The following TFDP2 variants were observed in gnomAD, a reference collection of about 807,000 sequenced individuals.
The protein encoded by TFDP2 is transcription factor Dp-2 (E2F dimerization partner 2).
Under a neutral mutation model 59.3 loss-of-function variants are expected in TFDP2, and 17 were observed. The ratio of observed to expected loss-of-function variants is 0.29; its 90% CI spans 0.20 to 0.43. The LOEUF (loss-of-function observed/expected upper bound fraction) is 0.43. TFDP2 is among the 20% of genes least tolerant of loss of function. The probability of loss-of-function intolerance (pLI) is 1.00; values close to 1 mark genes in which losing one functional copy is unlikely to be tolerated. For synonymous variants in TFDP2, 180 were observed against 194.7 expected, an observed-to-expected ratio of 0.92 and a Z score of 0.63; for missense variants, 391 against 528.8, an observed-to-expected ratio of 0.74 and a Z score of 2.56.
chr3:142,132,723 C>T (rs1577057895), intron 1 of TFDP2, among the ~76,000 whole-genome samples: 1 of 122,268 alleles, frequency 8.2e-6, no homozygotes, highest in Non-Finnish European at 1.6e-5. Flanking sequence ...TCAGCCTGGG[C>T]AACAGATTAA....
chr3:141,958,947 CTTTTTTTTTTT>C (rs984082447), intron 11 of TFDP2, among the ~76,000 whole-genome samples: 2 of 103,684 alleles, frequency 1.9e-5, no homozygotes, highest in African/African-American at 4.0e-5. Flanking sequence ...GATGTACCTA[CTTTTTTTTTTT>C]TTTTTTTTTT....
intron 3 of TFDP2, among the ~76,000 whole-genome samples, chr3:142,032,328 G>C (rs369882928): frequency 3.3e-5 from 5 of 152,012 alleles, no homozygotes; most frequent in East Asian, 3.9e-4. Context: ...GAACTCCTAG[G>C]CTCAAGTGAT....
intron 3 of TFDP2, among the ~76,000 whole-genome samples, chr3:142,008,186 G>A (rs1039563154): frequency 1.3e-5 from 2 of 151,806 alleles, no homozygotes; most frequent in Non-Finnish European, 2.9e-5. Context: ...CTGGGCATCG[G>A]GCCATTAAAT....
At chr3:142,015,929 T>C (rs1945098239) in intron 3 of TFDP2, among the ~76,000 whole-genome samples, 1 of 152,218 alleles carries the variant, frequency 6.6e-6, no homozygotes, top group Admixed American at 6.5e-5. Context: ...ATGCATCAGA[T>C]TTTGAAAACT....
chr3:142,140,158 C>T (rs973532397), intron 1 of TFDP2, among the ~76,000 whole-genome samples: 2 of 152,154 alleles, frequency 1.3e-5, no homozygotes, highest in Non-Finnish European at 2.9e-5. Flanking sequence ...TTGATCAAAT[C>T]GGCCTTTGAA....
chr3:142,042,549 C>T (rs1415646117), intron 3 of TFDP2, among the ~76,000 whole-genome samples: 1 of 151,758 alleles, frequency 6.6e-6, no homozygotes, highest in Non-Finnish European at 1.5e-5. Flanking sequence ...CCGCCTGCCT[C>T]AGCCTCCCAA....
At position 141,955,585 on chromosome 3, in the gene TFDP2, A is replaced by T. The variant is rs377680581; in HGVS notation, c.1052-2569T>A. Among the ~76,000 whole-genome samples, 220 of 152,284 alleles carry T rather than the reference A, an allele frequency of 1.4e-3. 1 individual carries two copies. The highest frequency in any genetic ancestry group is 5.1e-3 in the African/African-American group (212 of 41,558). ...GGGGATGAATGGTGCCAACCGAAGA[A>T]CTAAAACAGAAACCAAATCTCAGCC... On this transcript the variant is annotated intron_variant, in intron 11 of 12. Transcript: ENST00000489671.
At chr3:141,971,374 TAAAAAAAAAAAA>T (rs56219575) in intron 8 of TFDP2, among the ~76,000 whole-genome samples, 4 of 80,010 alleles carry the variant, frequency 5.0e-5, no homozygotes, top group Admixed American at 3.0e-4. Context: ...TCGTCTCTAC[TAAAAAAAAAAAA>T]AAAAAAAAAA....
chr3:142,017,103 G>A (rs1056182492), intron 3 of TFDP2, among the ~76,000 whole-genome samples: 1 of 152,160 alleles, frequency 6.6e-6, no homozygotes, highest in South Asian at 2.1e-4. Flanking sequence ...AAGTTGACAC[G>A]GCAGCAGAGA....
intron 3 of TFDP2, among the ~76,000 whole-genome samples, chr3:142,018,131 C>G (rs1945285885): frequency 6.6e-6 from 1 of 151,894 alleles, no homozygotes; most frequent in South Asian, 2.1e-4. Flanking sequence ...TCAGTAGAGA[C>G]AGGGGTCTCG....
intron 7 of TFDP2, among the ~76,000 whole-genome samples, chr3:141,977,948 G>A (rs1210774191): frequency 6.6e-6 from 1 of 151,106 alleles, no homozygotes; most frequent in East Asian, 2.0e-4. Flanking sequence ...CTGACCTCAT[G>A]ATCCACCCAC....
chr3:141,979,342 TG>T (rs1238407014), intron 6 of TFDP2, among the ~76,000 whole-genome samples: 3 of 152,234 alleles, frequency 2.0e-5, no homozygotes, highest in African/African-American at 7.2e-5. Context: ...TACTGGTTTC[TG>T]TATTTACTAA....
At chr3:142,111,415 T>TA (rs2108672794) in intron 1 of TFDP2, among the ~76,000 whole-genome samples, 1 of 133,182 alleles carries the variant, frequency 7.5e-6, no homozygotes, top group South Asian at 2.3e-4. Flanking sequence ...CCGACAGAGT[T>TA]AGACTCTGTC....
intron 3 of TFDP2, among the ~76,000 whole-genome samples, chr3:142,061,904 A>G: frequency 7.9e-6 from 1 of 126,538 alleles, no homozygotes; most frequent in South Asian, 2.3e-4. Context: ...ACACACACAC[A>G]CACACACACA....
intron 11 of TFDP2, 54 bp from the exon 12 acceptor site, chr3:141,953,070 T>C: frequency 7.7e-7 from 1 of 1,294,998 alleles, no homozygotes; most frequent in South Asian, 1.2e-5. Flanking sequence ...CTGTGGCTGC[T>C]GTTGTTACAG....
chr3:141,969,247 A>AT (rs1559943338), intron 9 of TFDP2, among the ~76,000 whole-genome samples: 5 of 109,786 alleles, frequency 4.6e-5, no homozygotes, highest in African/African-American at 1.6e-4. Context: ...ATATATATAT[A>AT]ACATATATAT....
intron 1 of TFDP2, among the ~76,000 whole-genome samples, chr3:142,139,055 T>C (rs577949370): frequency 2.6e-5 from 4 of 152,220 alleles, no homozygotes; most frequent in Non-Finnish European, 5.9e-5. Context: ...GCTCCTATAT[T>C]GGGTGCATAT....
intron 1 of TFDP2, among the ~76,000 whole-genome samples, chr3:142,124,443 C>T (rs770686605): frequency 1.3e-5 from 2 of 152,106 alleles, no homozygotes; most frequent in Middle Eastern, 3.2e-3. Flanking sequence ...ATTTAGCTGA[C>T]ACTTCAAATC....
intron 3 of TFDP2, among the ~76,000 whole-genome samples, chr3:142,009,026 C>T (rs1048006273): frequency 3.3e-5 from 5 of 152,116 alleles, no homozygotes; most frequent in African/African-American, 1.2e-4. Flanking sequence ...AAAGCTGTCC[C>T]ATCCCCTGTG....
Sources: gnomAD v4.1 joint callset for allele counts (sites outside exome capture counted in the v4.1 genomes callset) on GRCh38, gnomAD v4.1.1 for gene constraint, MANE v1.5 for transcripts, NCBI Gene and HGNC (gene_info 2026-07-23, HGNC 2026-07-21) for gene names.